The following DMD variants were observed in gnomAD, a reference collection of about 807,000 sequenced individuals.
DMD encodes the protein mutant dystrophin.
Under a neutral mutation model 330.1 loss-of-function variants are expected in DMD, and 63 were observed. The observed-to-expected ratio is 0.19, with a 90% confidence interval of 0.16 to 0.24. The LOEUF is 0.24. DMD is among the 10% of genes least tolerant of loss of function. DMD has a pLI of 1.00. For synonymous variants in DMD, 1,223 were observed against 959.8 expected (o/e 1.27, Z -5.07); for missense variants, 3,344 against 2,684.1 (o/e 1.25, Z -5.43).
In DMD at chrX:31,122,217, G is replaced by GTAAATATATATCAAAAGAATTCCATAGA. The variant is rs2032730902; in HGVS notation, c.11047-315_11047-288dup. On this transcript the variant is annotated intron_variant, in intron 78 of 78. Coordinates refer to ENST00000357033, the MANE Select transcript of DMD (RefSeq NM_004006.3). ...GTCAAGCTACATTCAGGTTCCCAATGTAAATATATATCAAAAGAATTCCAT... is the reference window on the plus strand; with the variant it reads ...GTCAAGCTACATTCAGGTTCCCAATGTAAATATATATCAAAAGAATTCCATAGATAAATATATATCAAAAGAATTCCAT... 2.7e-5 allele frequency among the ~76,000 whole-genome samples: 3 copies of GTAAATATATATCAAAAGAATTCCATAGA among 112,188 alleles called. No homozygotes were observed. In the Admixed American group the frequency reaches 2.8e-4, roughly 11 times the overall value.
intron 4 of DMD, among the ~76,000 whole-genome samples, chrX:32,839,569 A>G (rs113392742): frequency 8.9e-6 from 1 of 111,967 alleles, no homozygotes; most frequent in African/African-American, 3.2e-5. Flanking sequence ...TATCCTGCAC[A>G]GGCTTATTGA....
At chrX:31,423,178 A>T (rs1193511389) in intron 60 of DMD, among the ~76,000 whole-genome samples, 2 of 112,055 alleles carry the variant, frequency 1.8e-5, no homozygotes, top group Non-Finnish European at 3.8e-5. Flanking sequence ...CTTAGATTTT[A>T]AGAGACACCA....
chrX:32,125,896 G>C (rs1276911770), intron 44 of DMD, among the ~76,000 whole-genome samples: 1 of 111,810 alleles, frequency 8.9e-6, no homozygotes, highest in Admixed American at 9.5e-5. Flanking sequence ...TGTGGTCCTG[G>C]AACCAGCAGC....
chrX:32,039,423 T>C (rs2095980622), intron 44 of DMD, among the ~76,000 whole-genome samples: 1 of 111,664 alleles, frequency 9.0e-6, no homozygotes, highest in Non-Finnish European at 1.9e-5. Context: ...TTACCCTTTC[T>C]AAAATGCACA....
chrX:33,159,991 A>G (rs1008195320), intron 1 of DMD, among the ~76,000 whole-genome samples: 1 of 111,902 alleles, frequency 8.9e-6, no homozygotes, highest in Non-Finnish European at 1.9e-5. Context: ...TGACTTTGCA[A>G]TGGTATGAAA....
Position 32,310,111 on chromosome X carries a change from C to T in DMD, c.6088G>A (p.Asp2030Asn). ...APDLCAKDFE[D>N]LFKQEESLKN... is the part of the protein sequence containing the mutation. The stretch of plus-strand genomic sequence containing the variant: ...AGAGACTCCTCTTGCTTAAAGAGAT[C>T]TTCAAAGTCCTTAGCACAGAGGTCA... The change falls in exon 42 of 79, where the codon GAT (aspartate) becomes AAT (asparagine). Residue 2030 changes from aspartate to asparagine, a missense_variant. Asp to Asn is a conservative substitution (Grantham distance 23, BLOSUM62 1). Transcript: ENST00000357033. 8.3e-7 allele frequency: 1 copy of T among 1,209,088 alleles called. No individual in the cohort carries two copies. Among genetic ancestry groups the T allele is most frequent in the Non-Finnish European group, 1.1e-6 (1 of 893,776 alleles).
In DMD at chrX:32,468,698, A is replaced by G. The variant is rs2040307294; in HGVS notation, c.2962T>C (p.Ser988Pro). 5.0e-6 allele frequency: 6 copies of G among 1,209,743 alleles called. No homozygotes were observed. In the Middle Eastern group the frequency reaches 1.2e-3, roughly 233 times the overall value. ...RLGELQALQS[S>P]LQEQQSGLYY... ...AGGCCACTTTGTTGCTCTTGCAGAG[A>G]ACTTTGTAAAGCCTAAAAAACAATT... Residue 988 changes from serine to proline, a missense_variant, in exon 23 of 79, where the codon TCT becomes CCT. By Grantham distance (74) the Ser-to-Pro change is moderately conservative. Transcript: ENST00000357033.
intron 9 of DMD, among the ~76,000 whole-genome samples, chrX:32,674,466 C>T (rs1483186601): frequency 9.0e-6 from 1 of 111,656 alleles, no homozygotes; most frequent in African/African-American, 3.3e-5. Context: ...GTAGTAAGCA[C>T]TGCAATTATA....
chrX:32,125,127 G>A (rs1295662159), intron 44 of DMD, among the ~76,000 whole-genome samples: 2 of 110,623 alleles, frequency 1.8e-5, no homozygotes, highest in Non-Finnish European at 3.8e-5. Flanking sequence ...GAGAAATCTA[G>A]CCAAGGCTAG....
At chrX:32,782,897 A>G (rs1405559417) in intron 7 of DMD, among the ~76,000 whole-genome samples, 3 of 106,381 alleles carry the variant, frequency 2.8e-5, no homozygotes, top group African/African-American at 1.0e-4. Context: ...ATACATATAC[A>G]CATATATATC....
chrX:31,440,415 C>T (rs1863221726), intron 60 of DMD, among the ~76,000 whole-genome samples: 1 of 111,599 alleles, frequency 9.0e-6, no homozygotes, highest in African/African-American at 3.3e-5. Context: ...TCCCAAAGTA[C>T]TGGGATTACA....
intron 42 of DMD, among the ~76,000 whole-genome samples, chrX:32,309,355 T>C (rs1420128275): frequency 9.0e-6 from 1 of 111,413 alleles, no homozygotes; most frequent in East Asian, 2.8e-4. Flanking sequence ...CTGGGTATAC[T>C]ATAATATTTC....
chrX:31,491,927 G>A (rs761951834), intron 57 of DMD, among the ~76,000 whole-genome samples: 3 of 112,161 alleles, frequency 2.7e-5, no homozygotes, highest in Non-Finnish European at 3.8e-5. Flanking sequence ...GAAAATGAAA[G>A]TGAAAATGAA....
intron 34 of DMD, among the ~76,000 whole-genome samples, chrX:32,370,628 ACCAAG>A (rs1276524507): frequency 1.8e-5 from 2 of 110,766 alleles, no homozygotes; most frequent in East Asian, 5.7e-4. Flanking sequence ...CATTCATTGC[ACCAAG>A]TTAATGATCT....
rs544421635 is a variant in DMD at position 32,863,509 on chromosome X, C to CAAAAAAAAAAAAAA, written c.94-13703_94-13690dup. 7.1e-4 allele frequency among the ~76,000 whole-genome samples: 35 copies of CAAAAAAAAAAAAAA among 49,056 alleles called. 3 individuals carry two copies. Among genetic ancestry groups the CAAAAAAAAAAAAAA allele is most frequent in the African/African-American group, 4.2e-3 (33 of 7,807 alleles). 42.6% of individuals were successfully genotyped at this position (49,056 alleles called of 115,157 possible). A position where few individuals can be genotyped will look rare whatever the true frequency, so the allele number is the denominator to read the frequency against. ...TGGGTGGCAGAGTGAGACTCCGTCT[C>CAAAAAAAAAAAAAA]AAAAAAAAAAAAAAAAGATTGTGTT... On this transcript the variant is annotated intron_variant, in intron 2 of 78. Coordinates refer to ENST00000357033, the MANE Select transcript of DMD (RefSeq NM_004006.3).
intron 26 of DMD, among the ~76,000 whole-genome samples, chrX:32,451,074 C>T (rs2098328122): frequency 2.7e-5 from 3 of 110,928 alleles, no homozygotes; most frequent in Non-Finnish European, 5.7e-5. Flanking sequence ...ATATGCTCTG[C>T]CATCTTTCAT....
intron 2 of DMD, among the ~76,000 whole-genome samples, chrX:32,998,244 C>T (rs189153674): frequency 3.6e-4 from 39 of 107,579 alleles, no homozygotes; most frequent in African/African-American, 1.3e-3. Flanking sequence ...GTGGTGCATG[C>T]CTGTAGCTAA....
At chrX:31,314,775 AGAGAGT>A (rs1361329059) in intron 62 of DMD, among the ~76,000 whole-genome samples, 26 of 99,484 alleles carry the variant, frequency 2.6e-4, no homozygotes, top group African/African-American at 8.9e-4. Flanking sequence ...AGAGAGAGAG[AGAGAGT>A]GTTTTACCGT....
intron 2 of DMD, among the ~76,000 whole-genome samples, chrX:32,863,561 C>CACAT (rs2082250834): frequency 9.6e-6 from 1 of 104,491 alleles, no homozygotes; most frequent in Non-Finnish European, 1.9e-5. Flanking sequence ...CACACACACA[C>CACAT]ACACACACAC....
Sources: allele counts gnomAD v4.1 joint callset (sites outside exome capture counted in the v4.1 genomes callset), GRCh38; gene constraint gnomAD v4.1.1; transcripts MANE v1.5; gene names NCBI Gene and HGNC (gene_info 2026-07-23, HGNC 2026-07-21).